Variants in CAMK1D observed in about 807,000 individuals in gnomAD.
The protein encoded by CAMK1D is calcium/calmodulin-dependent protein kinase type 1D.
A neutral mutation model predicts 47.7 loss-of-function variants in CAMK1D; 9 were observed. The observed-to-expected ratio is 0.19, with a 90% CI of 0.11 to 0.33. CAMK1D has a LOEUF of 0.33. CAMK1D is among the 10% of genes least tolerant of loss of function. CAMK1D has a pLI of 1.00. For synonymous variants in CAMK1D, 184 were observed against 184.9 expected, an observed-to-expected ratio of 0.99 and a Z score of 0.04; for missense variants, 291 against 488.7, an observed-to-expected ratio of 0.60 and a Z score of 3.81.
intron 2 of CAMK1D, among the ~76,000 whole-genome samples, chr10:12,632,393 G>C (rs556984900): frequency 6.6e-6 from 1 of 152,312 alleles, no homozygotes; most frequent in East Asian, 1.9e-4. Flanking sequence ...AAGAGGGCCC[G>C]TGGCTGGAGC....
chr10:12,618,548 T>A (rs1206100137), intron 2 of CAMK1D, among the ~76,000 whole-genome samples: 1 of 152,166 alleles, frequency 6.6e-6, no homozygotes, highest in Non-Finnish European at 1.5e-5. Flanking sequence ...GTGGGGGGAT[T>A]TTTTGGGAGC....
In CAMK1D at chr10:12,395,472, AT is replaced by A. The variant is rs138030303; in HGVS notation, c.92+45564del. Among the ~76,000 whole-genome samples the A allele has an allele frequency of 5.9e-3, 898 of 152,214 alleles. 11 individuals carry two copies. Among genetic ancestry groups the A allele is most frequent in the African/African-American group, 0.021 (860 of 41,530 alleles). ...AGACATCACTGTGGAGGTTCCAAGGATTGTTGTATGCCAGGAAACTTTAAGA... is the reference window on the plus strand; with the variant it reads ...AGACATCACTGTGGAGGTTCCAAGGATGTTGTATGCCAGGAAACTTTAAGA... On this transcript the variant is annotated intron_variant, in intron 1 of 10. Transcript: ENST00000619168.
intron 1 of CAMK1D, among the ~76,000 whole-genome samples, chr10:12,496,003 A>G (rs1057280478): frequency 1.3e-5 from 2 of 151,302 alleles, no homozygotes; most frequent in Non-Finnish European, 2.9e-5. Context: ...TTTTTTTGGT[A>G]TTTTTTGTAG....
At chr10:12,738,788 C>T (rs1835293208) in intron 3 of CAMK1D, among the ~76,000 whole-genome samples, 1 of 152,074 alleles carries the variant, frequency 6.6e-6, no homozygotes, top group Non-Finnish European at 1.5e-5. Context: ...GCTAAGATCA[C>T]ACCACTGCAC....
At chr10:12,783,916 A>G (rs999209891) in intron 5 of CAMK1D, among the ~76,000 whole-genome samples, 1 of 152,150 alleles carries the variant, frequency 6.6e-6, no homozygotes, top group African/African-American at 2.4e-5. Flanking sequence ...GCATGAGTTA[A>G]TCGTGGTCTC....
chr10:12,404,032 T>G (rs1266418913), intron 1 of CAMK1D, among the ~76,000 whole-genome samples: 1 of 151,358 alleles, frequency 6.6e-6, no homozygotes, highest in Non-Finnish European at 1.5e-5. Flanking sequence ...GGCATGTAGT[T>G]TTTTGAGCTT....
chr10:12,588,809 C>T (rs956372788), intron 2 of CAMK1D, among the ~76,000 whole-genome samples: 10 of 145,374 alleles, frequency 6.9e-5, no homozygotes, highest in South Asian at 6.3e-4. Context: ...CACACACACA[C>T]ATACACACAT....
chr10:12,351,111 C>T (rs970268253), intron 1 of CAMK1D, among the ~76,000 whole-genome samples: 2 of 152,132 alleles, frequency 1.3e-5, no homozygotes, highest in African/African-American at 4.8e-5. Context: ...TTTCCCCTCA[C>T]CCCCACGCAG....
chr10:12,696,492 G>T (rs768024982), intron 3 of CAMK1D, among the ~76,000 whole-genome samples: 1 of 152,082 alleles, frequency 6.6e-6, no homozygotes, highest in Admixed American at 6.6e-5. Context: ...AGCCTATATC[G>T]TGCCATTGCA....
chr10:12,697,783 G>A (rs1265234263), intron 3 of CAMK1D, among the ~76,000 whole-genome samples: 1 of 152,166 alleles, frequency 6.6e-6, no homozygotes, highest in Non-Finnish European at 1.5e-5. Context: ...CGAAGTTCCC[G>A]AACCTCTGCC....
chr10:12,536,389 C>T (rs1299481316), intron 1 of CAMK1D, among the ~76,000 whole-genome samples: 1 of 152,222 alleles, frequency 6.6e-6, no homozygotes, highest in African/African-American at 2.4e-5. Context: ...AGCCATTCTC[C>T]TACCTTAGCC....
chr10:12,810,074 G>A (rs1392530820), intron 6 of CAMK1D, among the ~76,000 whole-genome samples: 1 of 150,770 alleles, frequency 6.6e-6, no homozygotes, highest in East Asian at 2.0e-4. Context: ...CTTGAGTCTG[G>A]GAGATGGGAG....
chr10:12,494,832 G>T (rs1392246683), intron 1 of CAMK1D, among the ~76,000 whole-genome samples: 1 of 152,164 alleles, frequency 6.6e-6, no homozygotes, highest in African/African-American at 2.4e-5. Context: ...GCCTGCCAAG[G>T]TGCTTGGATT....
At chr10:12,628,748 C>G (rs906773414) in intron 2 of CAMK1D, among the ~76,000 whole-genome samples, 3 of 152,178 alleles carry the variant, frequency 2.0e-5, no homozygotes, top group African/African-American at 4.8e-5. Context: ...AATCGTTTCA[C>G]TGCTATACAA....
chr10:12,469,400 C>T (rs930263353), intron 1 of CAMK1D, among the ~76,000 whole-genome samples: 7 of 147,500 alleles, frequency 4.7e-5, no homozygotes, highest in South Asian at 2.1e-4. Flanking sequence ...TTCTTCCAAG[C>T]GAGGCCTTCC....
intron 2 of CAMK1D, among the ~76,000 whole-genome samples, chr10:12,650,955 T>C (rs1839943583): frequency 6.6e-6 from 1 of 152,154 alleles, no homozygotes; most frequent in Admixed American, 6.5e-5. Flanking sequence ...CTCCCCCAGA[T>C]TCGAGTTCGC....
At chr10:12,617,418 C>T (rs1344924641) in intron 2 of CAMK1D, among the ~76,000 whole-genome samples, 3 of 152,230 alleles carry the variant, frequency 2.0e-5, no homozygotes, top group Admixed American at 6.5e-5. Context: ...CCATTCATCT[C>T]TTCTTGCTCC....
intron 3 of CAMK1D, among the ~76,000 whole-genome samples, chr10:12,709,830 G>T (rs1292379254): frequency 6.6e-6 from 1 of 152,168 alleles, no homozygotes; most frequent in African/African-American, 2.4e-5. Flanking sequence ...TGTGGTAGCT[G>T]GTGGATTGTA....
chr10:12,395,522 A>T (rs191931794), intron 1 of CAMK1D, among the ~76,000 whole-genome samples: 3 of 152,146 alleles, frequency 2.0e-5, no homozygotes, highest in Non-Finnish European at 2.9e-5. Context: ...TTTCAGTATC[A>T]TAAAGGGCCA....
Sources: allele counts gnomAD v4.1 joint callset (sites outside exome capture counted in the v4.1 genomes callset), GRCh38; gene constraint gnomAD v4.1.1; transcripts MANE v1.5; gene names NCBI Gene and HGNC (gene_info 2026-07-23, HGNC 2026-07-21).